INPP5D: variants seen among roughly 807,000 people sequenced by gnomAD.
INPP5D encodes phosphatidylinositol 3,4,5-trisphosphate 5-phosphatase 1.
A neutral mutation model predicts 122.9 loss-of-function variants in INPP5D; 33 were observed. The observed-to-expected ratio is 0.27, with a 90% CI of 0.20 to 0.36. The LOEUF (loss-of-function observed/expected upper bound fraction) is 0.36, where lower values mean the gene tolerates loss of function less well. Among genes scored for constraint, INPP5D ranks in the 10% least tolerant of loss-of-function variants. The pLI is 1.00. For synonymous variants in INPP5D, 584 were observed against 576.2 expected (o/e 1.01, Z -0.19); for missense variants, 1,053 against 1,412.7 (o/e 0.75, Z 4.08).
At chr2:233,184,670 C>G (rs2106315398) in intron 20 of INPP5D, 149 bp downstream of exon 20, 1 of 1,197,664 alleles carries the variant, frequency 8.3e-7, no homozygotes, top group Admixed American at 2.5e-5. Context: ...GTGGATGACT[C>G]AAGGGGACAC....
chr2:233,171,183 C>T (rs1471181877), intron 17 of INPP5D, 31 bp downstream of exon 17: 3 of 1,610,066 alleles, frequency 1.9e-6, no homozygotes, highest in Non-Finnish European at 2.5e-6. Flanking sequence ...CCTTCCCTGC[C>T]CTCCATCTCC....
Position 233,183,647 on chromosome 2 carries a change from G to A in INPP5D, c.2162-761G>A, listed in dbSNP as rs976621782. Among the ~76,000 whole-genome samples, 4 of 152,176 alleles carry A rather than the reference G, an allele frequency of 2.6e-5. No individual in the cohort carries two copies. Among genetic ancestry groups the A allele is most frequent in the South Asian group, 2.1e-4 (1 of 4,830 alleles). On this transcript the variant is annotated intron_variant, in intron 19 of 26. Coordinates refer to ENST00000445964, the MANE Select transcript of INPP5D (RefSeq NM_001017915.3). This position sits in a 1 kb window ranked among gnomAD's most constrained non-coding sequence, Gnocchi z 4.6. ...CATGTCAGGCTGGGCTTCCCTCCAC[G>A]GGGGATCAGTACACAGCAGATGCTG... is the stretch of plus-strand genomic sequence containing the variant.
intron 2 of INPP5D, among the ~76,000 whole-genome samples, chr2:233,121,415 G>A (rs531480030): frequency 3.8e-4 from 57 of 151,538 alleles, no homozygotes; most frequent in African/African-American, 1.0e-3. Context: ...TGGGATTACC[G>A]GCACAAGCCA....
intron 2 of INPP5D, among the ~76,000 whole-genome samples, chr2:233,085,155 G>C (rs2106215617): frequency 6.6e-6 from 1 of 152,262 alleles, no homozygotes; most frequent in South Asian, 2.1e-4. Flanking sequence ...GGAGGCTGAG[G>C]CAGGTGGATC....
chr2:233,184,059 C>T (rs192482749), intron 19 of INPP5D, among the ~76,000 whole-genome samples: 116 of 152,186 alleles, frequency 7.6e-4, no homozygotes, highest in African/African-American at 2.6e-3. Flanking sequence ...ATTGAGCAAC[C>T]GAGCCATTGT....
At chr2:233,093,379 T>TCTTCAAGA (rs1430154405) in intron 2 of INPP5D, among the ~76,000 whole-genome samples, 4 of 152,160 alleles carry the variant, frequency 2.6e-5, no homozygotes, top group African/African-American at 9.7e-5. Context: ...TTAAAAATGG[T>TCTTCAAGA]CTTCAAGACT....
At chr2:233,149,800 AGCAGCATCTT>A (rs201915464) in intron 9 of INPP5D, among the ~76,000 whole-genome samples, 2,308 of 152,246 alleles carry the variant, frequency 0.015, 54 homozygotes, top group African/African-American at 0.053. Context: ...CAGGGATAGT[AGCAGCATCTT>A]GCAGGGCTCT....
chr2:233,132,229 G>A (rs1319565145), intron 5 of INPP5D, among the ~76,000 whole-genome samples: 1 of 152,204 alleles, frequency 6.6e-6, no homozygotes, highest in African/African-American at 2.4e-5. Flanking sequence ...CTTCAGTGGA[G>A]ATTCTGTTCT....
At chr2:233,068,671 G>A (rs1246372743) in intron 1 of INPP5D, among the ~76,000 whole-genome samples, 1 of 152,208 alleles carries the variant, frequency 6.6e-6, no homozygotes, top group South Asian at 2.1e-4. Flanking sequence ...GAGGAGTACA[G>A]GACCCATCTG....
chr2:233,125,013 G>C (rs372624949), intron 3 of INPP5D, among the ~76,000 whole-genome samples: 1 of 152,258 alleles, frequency 6.6e-6, no homozygotes, highest in East Asian at 1.9e-4. Flanking sequence ...GTCCCCCGGG[G>C]CCCACTGTGG....
At position 233,164,475 on chromosome 2, in the gene INPP5D, TCGCGA is replaced by T; in HGVS notation, c.1555+53_1555+57del. 6.7e-7 allele frequency: 1 copy of T among 1,497,178 alleles called. No homozygotes were observed. The highest frequency in any genetic ancestry group is 9.0e-7 in the Non-Finnish European group (1 of 1,114,264). 92.7% of individuals were successfully genotyped at this position (1,497,178 alleles called of 1,614,324 possible). On this transcript the variant is annotated intron_variant, in intron 13 of 26. Coordinates refer to ENST00000445964, the MANE Select transcript of INPP5D (RefSeq NM_001017915.3). This position sits in a 1 kb window ranked among gnomAD's most constrained non-coding sequence, Gnocchi z 4.3. Reference sequence around the variant, plus strand: ...CCTCCCACACCCTCTGCCTCAACTCTCGCGACCACATCATCCTGATCCCACCAGTA... The same window carrying T: ...CCTCCCACACCCTCTGCCTCAACTCTCCACATCATCCTGATCCCACCAGTA...
chr2:233,164,279 G>A lies in INPP5D; in HGVS notation c.1438-28G>A, dbSNP rs1367716569. 6 of 1,534,606 alleles carry A rather than the reference G, an allele frequency of 3.9e-6. No individual in the cohort carries two copies. The highest frequency in any genetic ancestry group is 1.2e-5 in the South Asian group (1 of 81,684). The stretch of plus-strand genomic sequence containing the variant: ...CTGGTTCACACCCTACACTTGGGCC[G>A]AGTATTGCAACGTTGTCCTCCCACC... On this transcript the variant is annotated intron_variant, in intron 12 of 26. Transcript: ENST00000445964. The surrounding 1 kb of genome is among the most constrained non-coding windows in gnomAD (Gnocchi z 4.3).
chr2:233,124,600 T>C lies in INPP5D; in HGVS notation c.350-1145T>C, dbSNP rs544724294. On this transcript the variant is annotated intron_variant, in intron 3 of 26. Transcript: ENST00000445964. ...AAGGTCACTCACCAGCACCGCGCCC[T>C]GGCTGCACCTGAACAGCTGCCCCCA... 1.2e-3 allele frequency among the ~76,000 whole-genome samples: 179 copies of C among 152,272 alleles called. 1 individual carries two copies. The highest frequency in any genetic ancestry group is 4.1e-3 in the African/African-American group (170 of 41,562).
intron 3 of INPP5D, among the ~76,000 whole-genome samples, chr2:233,124,071 A>G (rs1211867052): frequency 6.6e-6 from 1 of 152,154 alleles, no homozygotes; most frequent in Non-Finnish European, 1.5e-5. Flanking sequence ...AAGTTTACTT[A>G]TGTAACAAAC....
chr2:233,122,646 T>C (rs1308468966), intron 3 of INPP5D, among the ~76,000 whole-genome samples: 1 of 152,136 alleles, frequency 6.6e-6, no homozygotes, highest in African/African-American at 2.4e-5. Flanking sequence ...TACAAAAAGC[T>C]TTTTAAAAAA....
At position 233,164,609 on chromosome 2, in the gene INPP5D, ACAC is replaced by A. The variant is rs1254164951; in HGVS notation, c.1555+188_1555+190del. 6.6e-6 allele frequency among the ~76,000 whole-genome samples: 1 copy of A among 152,198 alleles called. No individual in the cohort carries two copies. The highest frequency in any genetic ancestry group is 1.9e-4 in the East Asian group (1 of 5,188). ...CCTGGCTGAAACTCACTCAGGGTCT[ACAC>A]CAGCAGTCCCAGGGATCTAGCTAAA... On this transcript the variant is annotated intron_variant, in intron 13 of 26. Coordinates refer to ENST00000445964, the MANE Select transcript of INPP5D (RefSeq NM_001017915.3). The surrounding 1 kb of genome is among the most constrained non-coding windows in gnomAD (Gnocchi z 4.3).
intron 5 of INPP5D, among the ~76,000 whole-genome samples, chr2:233,137,639 A>G (rs1693500818): frequency 6.7e-6 from 1 of 149,730 alleles, no homozygotes; most frequent in Non-Finnish European, 1.5e-5. Context: ...TATTTTTAGT[A>G]GAGATGAGGT....
intron 2 of INPP5D, among the ~76,000 whole-genome samples, chr2:233,109,029 A>C (rs1308682105): frequency 6.6e-6 from 1 of 152,000 alleles, no homozygotes; most frequent in Non-Finnish European, 1.5e-5. Flanking sequence ...AAGCTAAATC[A>C]AGCCATGGGT....
intron 1 of INPP5D, among the ~76,000 whole-genome samples, chr2:233,076,869 G>T (rs1252967501): frequency 6.6e-6 from 1 of 152,182 alleles, no homozygotes; most frequent in Non-Finnish European, 1.5e-5. Flanking sequence ...CAGCCAGTTG[G>T]CAGGGTGTGG....
Sources: gnomAD v4.1 joint callset for allele counts (sites outside exome capture counted in the v4.1 genomes callset) on GRCh38, gnomAD v4.1.1 for gene constraint, Gnocchi (gnomAD v3.1) non-coding constraint, MANE v1.5 for transcripts, NCBI Gene and HGNC (gene_info 2026-07-23, HGNC 2026-07-21) for gene names.